Variants in SETDB1 observed in about 807,000 individuals in gnomAD.
The protein encoded by SETDB1 is histone-lysine N-methyltransferase SETDB1.
SETDB1 carries 31 observed loss-of-function variants against 137.4 expected under a neutral mutation model. The observed-to-expected ratio is 0.23, with a 90% confidence interval of 0.17 to 0.30. The LOEUF (loss-of-function observed/expected upper bound fraction) is 0.30, where lower values mean the gene tolerates loss of function less well. SETDB1 is among the 10% of genes least tolerant of loss of function. The pLI, the probability that SETDB1 is intolerant of heterozygous loss-of-function variation, is 1.00. For missense variants in SETDB1, 1,113 were observed against 1,631.5 expected (o/e 0.68, Z 5.47); for synonymous variants, 548 against 579.9 (o/e 0.95, Z 0.79).
chr1:150,941,917 G>A (rs978523060), intron 5 of SETDB1, among the ~76,000 whole-genome samples: 22 of 152,012 alleles, frequency 1.4e-4, no homozygotes, highest in African/African-American at 4.8e-4. Flanking sequence ...CGAGGTGGGC[G>A]GATCACAAGG....
chr1:150,940,092 C>A, intron 4 of SETDB1, 118 bp downstream of exon 4: 1 of 655,300 alleles, frequency 1.5e-6, no homozygotes, highest in Non-Finnish European at 2.7e-6. Context: ...CTGTGATCAG[C>A]CCTTTGCGTT....
rs1318146363 is a variant in SETDB1 at position 150,942,174 on chromosome 1, C to T, written c.548-389C>T. ...AAAAAAAATTGGCCGGGCACAGTGG[C>T]TCATGCCTATAATCCCAGCACTTTG... On this transcript the variant is annotated intron_variant, in intron 5 of 21. Coordinates refer to ENST00000692827, the MANE Select transcript of SETDB1 (RefSeq NM_001366418.1). 3.3e-5 allele frequency among the ~76,000 whole-genome samples: 5 copies of T among 150,070 alleles called. No homozygotes were observed. In the Admixed American group the frequency reaches 3.3e-4, roughly 10 times the overall value.
intron 17 of SETDB1, 48 bp downstream of exon 17, chr1:150,962,206 T>C (rs1182913868): frequency 1.3e-6 from 2 of 1,570,180 alleles, no homozygotes; most frequent in Non-Finnish European, 1.8e-6. Context: ...TCTTGCTTTG[T>C]CACCCAGGCT....
intron 7 of SETDB1, 53 bp from the exon 8 acceptor site, chr1:150,943,867 C>A: frequency 9.3e-7 from 1 of 1,070,454 alleles, no homozygotes; most frequent in Non-Finnish European, 1.5e-6. Context: ...TTCTGTGGAT[C>A]ATGTTAAATA....
chr1:150,937,050 GGGAGGC>G (rs1553239315), intron 3 of SETDB1, among the ~76,000 whole-genome samples: 5 of 152,072 alleles, frequency 3.3e-5, no homozygotes, highest in Non-Finnish European at 7.4e-5. Context: ...GCTTGAACCC[GGGAGGC>G]GGAGGTTGCT....
chr1:150,946,689 C>CAAGTT (rs1670342467), intron 9 of SETDB1, among the ~76,000 whole-genome samples, 197 bp from the exon 10 acceptor site: 1 of 152,128 alleles, frequency 6.6e-6, no homozygotes, highest in African/African-American at 2.4e-5. Flanking sequence ...CTCGGGTGAT[C>CAAGTT]CACCTGCCTC....
chr1:150,958,275 A>C (rs947061749), intron 14 of SETDB1, among the ~76,000 whole-genome samples: 2 of 119,212 alleles, frequency 1.7e-5, no homozygotes, highest in African/African-American at 6.4e-5. Flanking sequence ...TTTTTGTGAC[A>C]GAGTCTCACC....
chr1:150,964,200 G>C, intron 21 of SETDB1, 47 bp from the exon 22 acceptor site: 9 of 1,569,374 alleles, frequency 5.7e-6, no homozygotes, highest in Non-Finnish European at 7.9e-6. Context: ...CAAGTGCCTG[G>C]GTTATCTGCT....
Position 150,962,241 on chromosome 1 carries a change from T to C in SETDB1, c.3161+83T>C, listed in dbSNP as rs1670845649. The C allele has an allele frequency of 1.2e-5, 15 of 1,234,632 alleles. No homozygotes were observed. The South Asian group carries it at 1.8e-4, about 15-fold the overall frequency. The allele number at this position is 1,234,632 out of a possible 1,614,324, so 76.5% of individuals were successfully genotyped here. On this transcript the variant is annotated intron_variant, in intron 17 of 21. Transcript: ENST00000692827. ...TGGAGTGCAGTGGCGTAATCTCAGC[T>C]CATTGCAACCTCCCCCTCCCAGGCT...
intron 2 of SETDB1, 182 bp downstream of exon 2, chr1:150,928,156 C>G (rs778315977): frequency 6.3e-6 from 4 of 630,278 alleles, no homozygotes; most frequent in Non-Finnish European, 1.1e-5. Context: ...CTCTCGGGTT[C>G]AAGTGATTCT....
rs772290621 is a variant in SETDB1, at chr1:150,949,295, C to A, written c.1424+17C>A. On this transcript the variant is annotated intron_variant, in intron 11 of 21. Coordinates refer to ENST00000692827, the MANE Select transcript of SETDB1 (RefSeq NM_001366418.1). ...TGACAGTGAGTGAGTGTTATTCTTT[C>A]TTTTTCTTCAGTTTCTTTCATATTA... The A allele has an allele frequency of 1.6e-5, 25 of 1,612,698 alleles. No individual in the cohort carries two copies. The highest frequency in any genetic ancestry group is 3.3e-5 in the South Asian group (3 of 90,980).
Position 150,942,865 on chromosome 1 carries a change from A to G in SETDB1, c.687A>G (p.Lys229=). 1 of 1,614,148 alleles carries G rather than the reference A, an allele frequency of 6.2e-7. No homozygotes were observed. The highest frequency in any genetic ancestry group is 8.5e-7 in the Non-Finnish European group (1 of 1,179,976). ...IAIQTVGPGK[K]YKVKFDNKGK... ...CCTTTTACTCAGGGCCAGGGAAGAA[A>G]TACAAGGTGAAATTTGACAACAAAG... The change falls in exon 7 of 22, where the codon AAA becomes AAG. Residue 229 remains lysine, a synonymous_variant. Coordinates refer to ENST00000692827, the MANE Select transcript of SETDB1 (RefSeq NM_001366418.1).
chr1:150,927,588 T>A (rs1403330642), intron 1 of SETDB1, 116 bp from the exon 2 acceptor site: 7 of 890,976 alleles, frequency 7.9e-6, no homozygotes, highest in Non-Finnish European at 1.0e-5. Flanking sequence ...CATGGAATAT[T>A]TGAATAGAAT....
intron 14 of SETDB1, among the ~76,000 whole-genome samples, chr1:150,954,679 C>G (rs587627712): frequency 1.3e-5 from 2 of 152,296 alleles, no homozygotes; most frequent in African/African-American, 4.8e-5. Context: ...GAAAGTAGCA[C>G]TAGAAGCTAG....
Position 150,933,743 on chromosome 1 carries a change from ATTTTTCTTTTTCTTTTTC to A in SETDB1, c.412+3649_412+3666del, listed in dbSNP as rs538993878. 4.8e-4 allele frequency among the ~76,000 whole-genome samples: 48 copies of A among 100,564 alleles called. 1 individual carries two copies. Among genetic ancestry groups the A allele is most frequent in the African/African-American group, 1.5e-3 (38 of 25,820 alleles). The allele number at this position is 100,564 out of a possible 152,430, so 66.0% of individuals were successfully genotyped here. ...TCAGAAAACCACTGTCATTCTTCTG[ATTTTTCTTTTTCTTTTTC>A]TTTTTCTTTTTCTTTTTCTTTTTTT... On this transcript the variant is annotated intron_variant, in intron 3 of 21. Transcript: ENST00000692827.
chr1:150,929,534 A>G (rs1164219238), intron 2 of SETDB1, among the ~76,000 whole-genome samples: 1 of 151,732 alleles, frequency 6.6e-6, no homozygotes, highest in Non-Finnish European at 1.5e-5. Flanking sequence ...GTGTGCCACC[A>G]CACCCGGCTA....
intron 4 of SETDB1, among the ~76,000 whole-genome samples, 196 bp downstream of exon 4, chr1:150,940,170 A>AG (rs1006394381): frequency 1.3e-5 from 2 of 152,174 alleles, no homozygotes; most frequent in African/African-American, 4.8e-5. Context: ...ACTAGAAAGG[A>AG]GTGTTGTATG....
At position 150,962,593 on chromosome 1, in the gene SETDB1, T is replaced by A. The variant is rs1247218877; in HGVS notation, c.3168T>A (p.Thr1056=). The A allele has an allele frequency of 6.2e-7, 1 of 1,614,124 alleles. No homozygotes were observed. The highest frequency in any genetic ancestry group is 2.2e-5 in the East Asian group (1 of 44,890). Residue 1056 remains threonine, a synonymous_variant, in exon 18 of 22, where the codon ACT becomes ACA. Coordinates refer to ENST00000692827, the MANE Select transcript of SETDB1 (RefSeq NM_001366418.1). ...TDDRNKMSVV[T]ESSRNYGYNP... Reference sequence around the variant, plus strand: ...TTCCTTCCCCTCCCATTAGAGTTACTGAAAGCTCTCGAAATTACGGTTACA... The same window carrying A: ...TTCCTTCCCCTCCCATTAGAGTTACAGAAAGCTCTCGAAATTACGGTTACA...
intron 1 of SETDB1, among the ~76,000 whole-genome samples, 173 bp from the exon 2 acceptor site, chr1:150,927,531 A>C (rs587667029): frequency 6.6e-6 from 1 of 152,334 alleles, no homozygotes; most frequent in Admixed American, 6.5e-5. Context: ...GAAGATAAGA[A>C]CTCTTAAAAA....
Sources: gnomAD v4.1 joint callset for allele counts (sites outside exome capture counted in the v4.1 genomes callset) on GRCh38, gnomAD v4.1.1 for gene constraint, MANE v1.5 for transcripts, NCBI Gene and HGNC (gene_info 2026-07-23, HGNC 2026-07-21) for gene names.